The following SV2C variants were observed in gnomAD, a reference collection of about 807,000 sequenced individuals.
SV2C encodes the protein synaptic vesicle glycoprotein 2C.
A neutral mutation model predicts 79.7 loss-of-function variants in SV2C; 49 were observed. The ratio of observed to expected loss-of-function variants is 0.61; its 90% CI spans 0.49 to 0.78. The LOEUF is 0.78. Among genes scored for constraint, SV2C ranks in the 30% least tolerant of loss-of-function variants. The probability of loss-of-function intolerance (pLI) is 0.00; values close to 1 mark genes in which losing one functional copy is unlikely to be tolerated. For missense variants in SV2C, 833 were observed against 912.9 expected (o/e 0.91, Z 1.13); for synonymous variants, 334 against 333.2 (o/e 1.00, Z -0.03).
In SV2C at chr5:76,301,468, T is replaced by A. The variant is rs372083701; in HGVS notation, c.1923T>A (p.Cys641Ter). Residue 641 changes from cysteine to a stop codon, truncating the protein, a stop_gained, in exon 12 of 13, where the codon TGT (cysteine) becomes TGA (stop). Transcript: ENST00000502798. LOFTEE classifies it high-confidence loss of function. ...AATCCATGATGATAGGCATGCTGTG[T>A]CTGTACAATGGATTGACCATCTCAG... Reference protein sequence around the residue: ...TSESMMIGMLCLYNGLTISAW... With the variant: ...TSESMMIGML The A allele has an allele frequency of 7.4e-6, 12 of 1,614,118 alleles. No individual in the cohort carries two copies. In the African/African-American group the frequency reaches 1.6e-4, roughly 22 times the overall value.
At chr5:76,290,313 T>G (rs1337767967) in intron 6 of SV2C, among the ~76,000 whole-genome samples, 1 of 152,198 alleles carries the variant, frequency 6.6e-6, no homozygotes, top group Non-Finnish European at 1.5e-5. Context: ...CTGGCCTAGG[T>G]ACCTGTACTC....
the SV2C span, among the ~76,000 whole-genome samples, chr5:75,905,486 G>C: frequency 6.6e-6 from 1 of 152,176 alleles, no homozygotes; most frequent in Admixed American, 6.5e-5. Context: ...GTGGTGTATT[G>C]CTTTGGATAG....
In SV2C at chr5:76,132,165, G is replaced by A; in HGVS notation, c.415G>A (p.Glu139Lys). 6.2e-7 allele frequency: 1 copy of A among 1,614,190 alleles called. No individual in the cohort carries two copies. ...ADEEELAQQY[E>K]LIIQECGHGR... ...CGAGGAAGAGTTAGCCCAGCAGTAT[G>A]AGCTGATAATCCAAGAATGCGGTCA... is the stretch of plus-strand genomic sequence containing the variant. Residue 139 changes from glutamate (E) to lysine (K), a missense_variant, in exon 2 of 13, where the codon GAG becomes AAG. Physicochemically the swap from Glu to Lys is moderately conservative, Grantham distance 56. Coordinates refer to ENST00000502798, the MANE Select transcript of SV2C (RefSeq NM_014979.4).
At chr5:76,003,074 T>A in the SV2C span, among the ~76,000 whole-genome samples, 12 of 152,284 alleles carry the variant, frequency 7.9e-5, no homozygotes, top group East Asian at 2.3e-3. Flanking sequence ...CTGATGGTTT[T>A]ATAAAGGGCT....
intron 2 of SV2C, among the ~76,000 whole-genome samples, chr5:76,175,654 T>C (rs73132244): frequency 0.019 from 2,901 of 152,308 alleles, 84 homozygotes; most frequent in African/African-American, 0.066. Context: ...AGAAAAATTA[T>C]CATCTACAAT....
chr5:75,919,645 A>T, the SV2C span, among the ~76,000 whole-genome samples: 1 of 152,206 alleles, frequency 6.6e-6, no homozygotes, highest in Non-Finnish European at 1.5e-5. Flanking sequence ...CCTCTCCATC[A>T]TCAAAAGAAC....
intron 1 of SV2C, among the ~76,000 whole-genome samples, chr5:76,126,383 G>A (rs576482545): frequency 2.0e-5 from 3 of 152,274 alleles, no homozygotes; most frequent in African/African-American, 7.2e-5. Context: ...AACACTTAAT[G>A]TCAGGGATTT....
chr5:76,235,375 C>T (rs1745580362), intron 4 of SV2C, among the ~76,000 whole-genome samples: 1 of 152,040 alleles, frequency 6.6e-6, no homozygotes, highest in African/African-American at 2.4e-5. Flanking sequence ...GCATGATATA[C>T]ATTGGTTGGT....
At chr5:75,874,335 G>A in the SV2C span, among the ~76,000 whole-genome samples, 1 of 152,018 alleles carries the variant, frequency 6.6e-6, no homozygotes, top group Non-Finnish European at 1.5e-5. Context: ...ACACAGAAAA[G>A]GCTTTTGATA....
chr5:75,853,922 T>C, the SV2C span, among the ~76,000 whole-genome samples: 1 of 151,222 alleles, frequency 6.6e-6, no homozygotes, highest in Non-Finnish European at 1.5e-5. Context: ...ATGTTTTAAA[T>C]GTACAGTTTG....
intron 3 of SV2C, among the ~76,000 whole-genome samples, chr5:76,207,515 T>G (rs1050430645): frequency 1.3e-5 from 2 of 152,264 alleles, no homozygotes; most frequent in African/African-American, 4.8e-5. Flanking sequence ...CTGTTCAAAA[T>G]ATTGTTGAGT....
rs1179437673 is a variant in SV2C at position 76,332,889 on chromosome 5, A to C, written c.*7342A>C. ...GATTTATGGGTCAGCATTGCCCCTA[A>C]GTCCAAGGAAGGGGAAAGACTTAGC... On this transcript the variant is annotated 3_prime_UTR_variant, in exon 13 of 13. Coordinates refer to ENST00000502798, the MANE Select transcript of SV2C (RefSeq NM_014979.4). 6.6e-6 allele frequency: 1 copy of C among 152,244 alleles called. No homozygotes were observed. Among genetic ancestry groups the C allele is most frequent in the African/African-American group, 2.4e-5 (1 of 41,458 alleles). The allele number at this position is 152,244 out of a possible 1,614,324, so 9.4% of individuals were successfully genotyped here. A position where few individuals can be genotyped will look rare whatever the true frequency, so the allele number is the denominator to read the frequency against.
At chr5:75,903,256 G>A in the SV2C span, among the ~76,000 whole-genome samples, 4 of 151,872 alleles carry the variant, frequency 2.6e-5, no homozygotes, top group Non-Finnish European at 4.4e-5. Context: ...CTTTCACTGT[G>A]TACACATGCA....
rs182865129 is a variant in SV2C, at chr5:76,235,889, T to A, written c.913+26002T>A. On this transcript the variant is annotated intron_variant, in intron 4 of 12. Transcript: ENST00000502798. ...ATTGATTAAAATAGAGAACAGTTGGTGATATGAGTTGTCTTCCCCCCACCG... is the reference window on the plus strand; with the variant it reads ...ATTGATTAAAATAGAGAACAGTTGGAGATATGAGTTGTCTTCCCCCCACCG... 3.9e-5 allele frequency among the ~76,000 whole-genome samples: 6 copies of A among 152,264 alleles called. No homozygotes were observed. In the East Asian group the frequency reaches 1.2e-3, roughly 29 times the overall value.
chr5:75,973,315 T>TA, the SV2C span, among the ~76,000 whole-genome samples: 1 of 150,988 alleles, frequency 6.6e-6, no homozygotes, highest in South Asian at 2.1e-4. Flanking sequence ...CCCTAAAACT[T>TA]AAAGTATAAT....
At chr5:75,910,682 A>T in the SV2C span, 2 of 1,235,740 alleles carry the variant, frequency 1.6e-6, no homozygotes, top group Non-Finnish European at 2.4e-6. Context: ...CGAGGCCAAG[A>T]CTGCCAAGGC....
At chr5:75,883,386 G>A in the SV2C span, among the ~76,000 whole-genome samples, 1 of 145,248 alleles carries the variant, frequency 6.9e-6, no homozygotes, top group Non-Finnish European at 1.5e-5. Flanking sequence ...AGAGACACAT[G>A]CACACGTATG....
chr5:75,923,672 G>T, the SV2C span, among the ~76,000 whole-genome samples: 1 of 151,912 alleles, frequency 6.6e-6, no homozygotes, highest in South Asian at 2.1e-4. Context: ...GCTCAATAAC[G>T]CTAATCATCA....
chr5:75,930,137 A>T, the SV2C span, among the ~76,000 whole-genome samples: 1 of 151,446 alleles, frequency 6.6e-6, no homozygotes, highest in African/African-American at 2.4e-5. Flanking sequence ...TCCCCTCCCT[A>T]ACCCTTAAAT....
Sources: gnomAD v4.1 joint callset for allele counts (sites outside exome capture counted in the v4.1 genomes callset) on GRCh38, gnomAD v4.1.1 for gene constraint, MANE v1.5 for transcripts, NCBI Gene and HGNC (gene_info 2026-07-23, HGNC 2026-07-21) for gene names.